Variants in TMEM154 observed in about 807,000 individuals in gnomAD.
The protein encoded by TMEM154 is transmembrane protein 154.
A neutral mutation model predicts 24.5 loss-of-function variants in TMEM154; 27 were observed. That is an observed-to-expected ratio of 1.10 (90% CI 0.81 to 1.52). TMEM154 has a LOEUF of 1.52. Ranked by LOEUF, TMEM154 falls within the 40% of genes most tolerant of loss-of-function variation. The pLI is 0.00. For synonymous variants in TMEM154, 67 were observed against 76.8 expected (o/e 0.87, Z 0.67); for missense variants, 228 against 213.4 (o/e 1.07, Z -0.43).
intron 1 of TMEM154, among the ~76,000 whole-genome samples, chr4:152,659,009 G>A (rs576624379): frequency 6.6e-6 from 1 of 152,036 alleles, no homozygotes; most frequent in East Asian, 1.9e-4. Context: ...TCTCACTACT[G>A]GGTATTTATC....
At chr4:152,667,982 G>A (rs140950573) in intron 1 of TMEM154, among the ~76,000 whole-genome samples, 11 of 152,216 alleles carry the variant, frequency 7.2e-5, no homozygotes, top group African/African-American at 2.2e-4. Context: ...ACAGTGGGGA[G>A]ACCCACAATG....
intron 6 of TMEM154, 40 bp from the exon 7 acceptor site, chr4:152,628,601 A>C (rs1289229798): frequency 3.5e-5 from 37 of 1,050,364 alleles, no homozygotes; most frequent in Middle Eastern, 3.0e-4. Context: ...AACAAAAAAA[A>C]CACACACACA....
chr4:152,628,159 G>T lies in TMEM154; in HGVS notation c.*387C>A. On this transcript the variant is annotated 3_prime_UTR_variant, in exon 7 of 7. Coordinates refer to ENST00000304385, the MANE Select transcript of TMEM154 (RefSeq NM_152680.3). ...CCAAAAGGAAACCATCGATAAAACAGCTTCCTGATTTAGGCCCTAAGGAAT... is the reference window on the plus strand; with the variant it reads ...CCAAAAGGAAACCATCGATAAAACATCTTCCTGATTTAGGCCCTAAGGAAT... 4.4e-6 allele frequency: 1 copy of T among 225,220 alleles called. No homozygotes were observed. Among genetic ancestry groups the T allele is most frequent in the Non-Finnish European group, 8.7e-6 (1 of 114,610 alleles). 14.0% of individuals were successfully genotyped at this position (225,220 alleles called of 1,614,324 possible). A position where few individuals can be genotyped will look rare whatever the true frequency, so the allele number is the denominator to read the frequency against.
At chr4:152,633,024 T>G (rs1340666820) in intron 6 of TMEM154, among the ~76,000 whole-genome samples, 1 of 152,264 alleles carries the variant, frequency 6.6e-6, no homozygotes, top group Non-Finnish European at 1.5e-5. Flanking sequence ...AAGTAGCCAG[T>G]GTTTGTTGGT....
At chr4:152,631,782 A>T (rs1447012906) in intron 6 of TMEM154, among the ~76,000 whole-genome samples, 1 of 138,340 alleles carries the variant, frequency 7.2e-6, no homozygotes, top group Non-Finnish European at 1.5e-5. Context: ...AATGTAGTTA[A>T]ATCTATCCCC....
chr4:152,636,365 T>G (rs978669344), intron 6 of TMEM154, among the ~76,000 whole-genome samples: 2 of 152,228 alleles, frequency 1.3e-5, no homozygotes, highest in African/African-American at 4.8e-5. Flanking sequence ...ATAGCAGGTA[T>G]GAATCACGGA....
intron 1 of TMEM154, among the ~76,000 whole-genome samples, chr4:152,658,817 G>GAA (rs34975631): frequency 7.0e-6 from 1 of 143,758 alleles, no homozygotes. Context: ...CATCTCAAAA[G>GAA]AAAAAAAAAA....
chr4:152,653,624 A>G (rs1728434998), intron 1 of TMEM154, among the ~76,000 whole-genome samples: 1 of 151,448 alleles, frequency 6.6e-6, no homozygotes, highest in Admixed American at 6.6e-5. Flanking sequence ...TCCATGCCTC[A>G]AGTGATCCAC....
intron 1 of TMEM154, among the ~76,000 whole-genome samples, chr4:152,671,502 C>T (rs965813747): frequency 4.6e-5 from 7 of 151,938 alleles, no homozygotes; most frequent in African/African-American, 7.3e-5. Flanking sequence ...AATCCCAGCA[C>T]TTTGGGAGGC....
Position 152,638,341 on chromosome 4 carries a change from C to T in TMEM154, c.536+2587G>A, listed in dbSNP as rs535377123. 1.0e-3 allele frequency among the ~76,000 whole-genome samples: 152 copies of T among 152,300 alleles called. 6 individuals are homozygous for T. The South Asian group carries it at 0.03, about 30-fold the overall frequency. ...TCTGAAATCACCAACATTAATGGGC[C>T]TATGCCAGTAATTAAGGAGAACTGA... On this transcript the variant is annotated intron_variant, in intron 6 of 6. Transcript: ENST00000304385.
chr4:152,639,076 A>T (rs924437214), intron 6 of TMEM154, among the ~76,000 whole-genome samples: 3 of 152,006 alleles, frequency 2.0e-5, no homozygotes, highest in Non-Finnish European at 4.4e-5. Context: ...TCAGCCTCCC[A>T]AGTAGCTGGG....
chr4:152,632,517 G>T (rs1180013523), intron 6 of TMEM154, among the ~76,000 whole-genome samples: 1 of 152,200 alleles, frequency 6.6e-6, no homozygotes, highest in East Asian at 1.9e-4. Context: ...TGTGCATAGG[G>T]ATTTTTAAGA....
chr4:152,642,220 G>T (rs921730669), intron 5 of TMEM154, among the ~76,000 whole-genome samples: 1 of 151,936 alleles, frequency 6.6e-6, no homozygotes, highest in African/African-American at 2.4e-5. Context: ...TGCCTGGCCT[G>T]GTAGTAATAG....
In TMEM154 at chr4:152,624,023, A is replaced by T. The variant is rs967184719; in HGVS notation, c.*4523T>A. The T allele has an allele frequency of 6.6e-6, 1 of 152,230 alleles. No homozygotes were observed. Among genetic ancestry groups the T allele is most frequent in the Non-Finnish European group, 1.5e-5 (1 of 68,054 alleles). 9.4% of individuals were successfully genotyped at this position (152,230 alleles called of 1,614,324 possible). A position where few individuals can be genotyped will look rare whatever the true frequency, so the allele number is the denominator to read the frequency against. ...CATTACCCAAGCCTTCTGTACCTGA[A>T]GTCCAATTGTAAAAAAAACCCCAAA... On this transcript the variant is annotated 3_prime_UTR_variant, in exon 7 of 7. Coordinates refer to ENST00000304385, the MANE Select transcript of TMEM154 (RefSeq NM_152680.3).
At chr4:152,645,743 T>C (rs759417117) in intron 3 of TMEM154, among the ~76,000 whole-genome samples, 1 of 152,220 alleles carries the variant, frequency 6.6e-6, no homozygotes, top group African/African-American at 2.4e-5. Context: ...AGTGAGCTGC[T>C]GTAATTTCCT....
intron 3 of TMEM154, chr4:152,646,902 T>G: frequency 2.8e-6 from 2 of 701,798 alleles, no homozygotes; most frequent in East Asian, 5.4e-5. Context: ...ACAGCCTGTT[T>G]AAAGGGGTAG....
intron 1 of TMEM154, among the ~76,000 whole-genome samples, chr4:152,661,277 GTTCTCT>G (rs1417936409): frequency 1.2e-4 from 10 of 86,074 alleles, no homozygotes; most frequent in African/African-American, 4.2e-4. Context: ...TCAAGGGATT[GTTCTCT>G]TTCTCTCTCT....
intron 1 of TMEM154, among the ~76,000 whole-genome samples, chr4:152,671,993 G>A (rs1253873739): frequency 1.3e-5 from 2 of 150,244 alleles, no homozygotes; most frequent in South Asian, 2.1e-4. Context: ...AATGTCTCAC[G>A]CCTATAATCC....
chr4:152,643,153 G>C lies in TMEM154; in HGVS notation c.413C>G (p.Thr138Arg), dbSNP rs145777184. The C allele has an allele frequency of 1.9e-6, 3 of 1,611,050 alleles. No homozygotes were observed. The highest frequency in any genetic ancestry group is 1.1e-5 in the South Asian group (1 of 90,320). ...NVKVPIFEED[T>R]PSVMEIEMEE... is the part of the protein sequence containing the mutation. ...CATTTCAATTTCCATAACAGAGGGT[G>C]TATCTTCCTCAAAAATAGGGCTAGA... Residue 138 changes from threonine (T) to arginine (R), a missense_variant, in exon 5 of 7, where the codon ACA (threonine) becomes AGA (arginine). Transcript: ENST00000304385.
Sources: gnomAD v4.1 joint callset for allele counts (sites outside exome capture counted in the v4.1 genomes callset) on GRCh38, gnomAD v4.1.1 for gene constraint, MANE v1.5 for transcripts, NCBI Gene and HGNC (gene_info 2026-07-23, HGNC 2026-07-21) for gene names.